The following CACNA1I variants were observed in gnomAD, a reference collection of about 807,000 sequenced individuals.
CACNA1I encodes the protein calcium voltage-gated channel subunit alpha1 I, also known as voltage-dependent T-type calcium channel subunit alpha-1I.
A neutral mutation model predicts 201.6 loss-of-function variants in CACNA1I; 74 were observed. The ratio of observed to expected loss-of-function variants is 0.37; its 90% CI spans 0.30 to 0.45. The LOEUF is 0.45. CACNA1I is among the 20% of genes least tolerant of loss of function. CACNA1I has a pLI of 1.00. For synonymous variants in CACNA1I, 1,431 were observed against 1,345.2 expected, an observed-to-expected ratio of 1.06 and a Z score of -1.40; for missense variants, 2,346 against 3,138.1, an observed-to-expected ratio of 0.75 and a Z score of 6.03.
rs1160075836 is a variant in CACNA1I at position 39,660,426 on chromosome 22, A to G, written c.2687A>G (p.Asp896Gly). ...EEFDKLQEGL[D>G]SSGDPKLCPI... ...TTTGATAAGCTCCAGGAAGGCCTGG[A>G]CAGCAGCGGAGGTAAACAGGCCCTC... is the stretch of plus-strand genomic sequence containing the variant. Residue 896 changes from aspartate to glycine, a missense_variant, in exon 15 of 37, where the codon GAC becomes GGC. Transcript: ENST00000402142. 6.2e-7 allele frequency: 1 copy of G among 1,611,536 alleles called. No homozygotes were observed. The highest frequency in any genetic ancestry group is 1.7e-5 in the Admixed American group (1 of 59,894).
chr22:39,679,458 T>C lies in CACNA1I; in HGVS notation c.5394+13T>C, dbSNP rs1382919728. On this transcript the variant is annotated intron_variant, in intron 32 of 36. Coordinates refer to ENST00000402142, the MANE Select transcript of CACNA1I (RefSeq NM_021096.4). ...CTCGCCTGCCCAGGTGGGCAGGGGC[T>C]GGAGAGGTGTGAGGGTCGCCAGAGG... 1 of 1,411,374 alleles carries C rather than the reference T, an allele frequency of 7.1e-7. No homozygotes were observed. The highest frequency in any genetic ancestry group is 1.6e-5 in the South Asian group (1 of 64,076). The allele number at this position is 1,411,374 out of a possible 1,614,324, so 87.4% of individuals were successfully genotyped here.
chr22:39,580,616 A>AG (rs1932517323), intron 1 of CACNA1I, among the ~76,000 whole-genome samples: 1 of 152,128 alleles, frequency 6.6e-6, no homozygotes, highest in African/African-American at 2.4e-5. Context: ...GGTAGGGCAC[A>AG]GGGAGGGGTT....
At chr22:39,598,724 T>C (rs1298353947) in intron 2 of CACNA1I, among the ~76,000 whole-genome samples, 1 of 152,066 alleles carries the variant, frequency 6.6e-6, no homozygotes, top group Non-Finnish European at 1.5e-5. Context: ...CTGCCCTAGA[T>C]GCCCTTTAGG....
At chr22:39,647,000 TG>T in intron 8 of CACNA1I, 119 bp downstream of exon 8, 2 of 1,400,684 alleles carry the variant, frequency 1.4e-6, no homozygotes, top group South Asian at 3.0e-5. Flanking sequence ...CATGCTCAAG[TG>T]TTTCCTTCAC....
chr22:39,664,522 T>C (rs1209211053), intron 20 of CACNA1I, among the ~76,000 whole-genome samples: 2 of 152,118 alleles, frequency 1.3e-5, no homozygotes, highest in Non-Finnish European at 2.9e-5. Context: ...CAGGGCGGCC[T>C]GCTGGGCCCT....
At chr22:39,636,643 A>G (rs1183428896) in intron 5 of CACNA1I, among the ~76,000 whole-genome samples, 2 of 152,254 alleles carry the variant, frequency 1.3e-5, no homozygotes, top group African/African-American at 4.8e-5. Flanking sequence ...TGTTTAGGGC[A>G]GGGAGCAGAG....
At chr22:39,600,112 T>A (rs1018367974) in intron 2 of CACNA1I, among the ~76,000 whole-genome samples, 2 of 152,092 alleles carry the variant, frequency 1.3e-5, no homozygotes, top group Non-Finnish European at 2.9e-5. Flanking sequence ...TGTTTCCTCA[T>A]CTGTAAAATG....
At position 39,635,355 on chromosome 22, in the gene CACNA1I, C is replaced by T. The variant is rs77638777; in HGVS notation, c.740+631C>T. On this transcript the variant is annotated intron_variant, in intron 5 of 36. Coordinates refer to ENST00000402142, the MANE Select transcript of CACNA1I (RefSeq NM_021096.4). Reference sequence around the variant, plus strand: ...TGCGGCAGAAGGGGGGGGGTCCCTGCCCCCTGCCCTTGAGAAGCGCAGGGC... The same window carrying T: ...TGCGGCAGAAGGGGGGGGGTCCCTGTCCCCTGCCCTTGAGAAGCGCAGGGC... Among the ~76,000 whole-genome samples, 150 of 152,202 alleles carry T rather than the reference C, an allele frequency of 9.9e-4. 1 individual carries two copies. The East Asian group carries it at 0.027, about 28-fold the overall frequency.
At chr22:39,680,718 C>T (rs953757418) in intron 33 of CACNA1I, among the ~76,000 whole-genome samples, 1 of 152,196 alleles carries the variant, frequency 6.6e-6, no homozygotes, top group African/African-American at 2.4e-5. Flanking sequence ...AGCTGGCTTC[C>T]ACTGGAGGTG....
intron 10 of CACNA1I, 78 bp downstream of exon 10, chr22:39,650,003 C>G (rs1934603618): frequency 6.8e-7 from 1 of 1,473,438 alleles, no homozygotes; most frequent in South Asian, 1.1e-5. Context: ...TGGGCAGCCC[C>G]ATCCATCTGC....
At chr22:39,595,821 T>C (rs1489956931) in intron 1 of CACNA1I, among the ~76,000 whole-genome samples, 2 of 151,936 alleles carry the variant, frequency 1.3e-5, no homozygotes, top group Non-Finnish European at 2.9e-5. Context: ...CAGATGTTCA[T>C]TGAACACCTA....
intron 2 of CACNA1I, 110 bp from the exon 3 acceptor site, chr22:39,600,410 C>A: frequency 1.2e-6 from 1 of 864,734 alleles, no homozygotes; most frequent in East Asian, 2.6e-5. Flanking sequence ...GGGTGTTTCC[C>A]AGGCCCCTTG....
Position 39,680,911 on chromosome 22 carries a change from C to T in CACNA1I, c.5542-19C>T. The T allele has an allele frequency of 1.2e-6, 2 of 1,602,432 alleles. No homozygotes were observed. Among genetic ancestry groups the T allele is most frequent in the Non-Finnish European group, 8.5e-7 (1 of 1,175,894 alleles). ...CATCCCAAACCTGGGTGACCCGAGG[C>T]CACCCCCTCTTCCTGCAGGTGCAGC... On this transcript the variant is annotated intron_variant, in intron 33 of 36. Coordinates refer to ENST00000402142, the MANE Select transcript of CACNA1I (RefSeq NM_021096.4).
intron 4 of CACNA1I, among the ~76,000 whole-genome samples, chr22:39,628,264 C>T (rs1376873202): frequency 6.6e-6 from 1 of 152,152 alleles, no homozygotes; most frequent in Non-Finnish European, 1.5e-5. Flanking sequence ...GATGTGGGGC[C>T]AAGATCAGGC....
rs1247953852 is a variant in CACNA1I, at chr22:39,661,167, C to G, written c.2758C>G (p.Leu920Val). 1.9e-6 allele frequency: 3 copies of G among 1,613,274 alleles called. No homozygotes were observed. Among genetic ancestry groups the G allele is most frequent in the South Asian group, 1.1e-5 (1 of 91,048 alleles). ...TGGGCACCTGGACCCCAGTCTCCCA[C>G]TGGGTGGGCACCTAGGTCCTGCTGG... is the stretch of plus-strand genomic sequence containing the variant. ...PNGHLDPSLP[L>V]GGHLGPAGAA... Residue 920 changes from leucine to valine, a missense_variant, in exon 16 of 37, where the codon CTG becomes GTG. Physicochemically the swap from Leu to Val is conservative, Grantham distance 32 (BLOSUM62 1). Transcript: ENST00000402142.
chr22:39,572,280 G>A (rs993467210), intron 1 of CACNA1I, among the ~76,000 whole-genome samples: 1 of 152,102 alleles, frequency 6.6e-6, no homozygotes, highest in Non-Finnish European at 1.5e-5. Flanking sequence ...GTGGCCTTGT[G>A]GTTTGAGGGT....
In CACNA1I at chr22:39,644,226, C is replaced by T. The variant is rs532832192; in HGVS notation, c.1149+1337C>T. Among the ~76,000 whole-genome samples, 27 of 152,242 alleles carry T rather than the reference C, an allele frequency of 1.8e-4. No individual in the cohort carries two copies. In the South Asian group the frequency reaches 2.3e-3, roughly 13 times the overall value. On this transcript the variant is annotated intron_variant, in intron 7 of 36. Transcript: ENST00000402142. ...GGTTGCAAGAGGAGTCTCCAGTTCC[C>T]GGGAGGGGCTGGAGGATGCTCCATC...
chr22:39,600,411 A>G (rs1399708847), intron 2 of CACNA1I, 109 bp from the exon 3 acceptor site: 2 of 864,514 alleles, frequency 2.3e-6, no homozygotes, highest in Non-Finnish European at 1.8e-6. Flanking sequence ...GGTGTTTCCC[A>G]GGCCCCTTGC....
intron 4 of CACNA1I, among the ~76,000 whole-genome samples, chr22:39,634,260 A>C (rs564778481): frequency 6.6e-6 from 1 of 152,356 alleles, no homozygotes; most frequent in Admixed American, 6.5e-5. Flanking sequence ...ACTGAAGATC[A>C]CATTTGTGCA....
Sources: allele counts gnomAD v4.1 joint callset (sites outside exome capture counted in the v4.1 genomes callset), GRCh38; gene constraint gnomAD v4.1.1; transcripts MANE v1.5; gene names NCBI Gene and HGNC (gene_info 2026-07-23, HGNC 2026-07-21).